The following DNAI3 variants were observed in gnomAD, a reference collection of about 807,000 sequenced individuals.
DNAI3 encodes the protein dynein axonemal intermediate chain 3, also known as WD repeat domain 63.
In DNAI3, 83 loss-of-function variants were observed where a neutral mutation model predicts 115.5. The observed-to-expected ratio is 0.72, with a 90% CI of 0.60 to 0.86. The LOEUF (loss-of-function observed/expected upper bound fraction) is 0.86, where lower values mean the gene tolerates loss of function less well. DNAI3 is among the 40% of genes least tolerant of loss of function. DNAI3 has a pLI of 0.00. For missense variants in DNAI3, 1,004 were observed against 1,075.8 expected (o/e 0.93, Z 0.93); for synonymous variants, 320 against 347.0 (o/e 0.92, Z 0.86).
Position 85,094,549 on chromosome 1 carries a change from T to A in DNAI3, c.1167T>A (p.His389Gln). Residue 389 changes from histidine (H) to glutamine (Q), a missense_variant, in exon 10 of 23, where the codon CAT becomes CAA. His to Gln is a conservative substitution (Grantham distance 24). This residue lies in a region of DNAI3 where 550 missense variants were observed against 568.1 expected (regional missense o/e 0.97). Coordinates refer to ENST00000294664, the MANE Select transcript of DNAI3 (RefSeq NM_145172.5). ...TCTGGAGCTTCTCTGATCCTATACA[T>A]CCTCAGGTAATTAGGGAGAGTTGCC... ...ILFWSFSDPI[H>Q]PQLMLESPDD... 6.2e-7 allele frequency: 1 copy of A among 1,614,018 alleles called. No individual in the cohort carries two copies.
At position 85,089,122 on chromosome 1, in the gene DNAI3, C is replaced by T. The variant is rs565884195; in HGVS notation, c.741-994C>T. On this transcript the variant is annotated intron_variant, in intron 7 of 22. Transcript: ENST00000294664. ...AAATACTACATAATATTTTGTTGATCATTTAAAATGTGCTAGGCACTGTTT... is the reference window on the plus strand; with the variant it reads ...AAATACTACATAATATTTTGTTGATTATTTAAAATGTGCTAGGCACTGTTT... 3.9e-5 allele frequency among the ~76,000 whole-genome samples: 6 copies of T among 152,182 alleles called. No individual in the cohort carries two copies. The South Asian group carries it at 1.2e-3, about 32-fold the overall frequency.
intron 8 of DNAI3, among the ~76,000 whole-genome samples, chr1:85,092,693 C>T (rs921549239): frequency 6.6e-6 from 1 of 151,860 alleles, no homozygotes; most frequent in African/African-American, 2.4e-5. Flanking sequence ...GTATTTTTAG[C>T]AGGATAATTT....
At chr1:85,082,842 C>T (rs1023403335) in intron 5 of DNAI3, among the ~76,000 whole-genome samples, 1 of 152,128 alleles carries the variant, frequency 6.6e-6, no homozygotes, top group Non-Finnish European at 1.5e-5. Context: ...AGCAGATTTG[C>T]CCTTCGTTGA....
chr1:85,073,653 G>T (rs947648392), intron 3 of DNAI3, among the ~76,000 whole-genome samples: 3 of 152,194 alleles, frequency 2.0e-5, no homozygotes, highest in African/African-American at 4.8e-5. Flanking sequence ...AATGAGGGGG[G>T]CAAGGAGGAA....
intron 8 of DNAI3, among the ~76,000 whole-genome samples, chr1:85,090,850 T>C (rs1654951606): frequency 6.6e-6 from 1 of 152,196 alleles, no homozygotes; most frequent in Non-Finnish European, 1.5e-5. Flanking sequence ...TTTAGAGAAG[T>C]GGATCCACTG....
chr1:85,100,315 T>C (rs1336621296), intron 13 of DNAI3, among the ~76,000 whole-genome samples: 1 of 152,116 alleles, frequency 6.6e-6, no homozygotes, highest in Non-Finnish European at 1.5e-5. Flanking sequence ...GGACGAAGGA[T>C]ATGAACAGAC....
intron 14 of DNAI3, among the ~76,000 whole-genome samples, chr1:85,105,550 AAAAG>A (rs1655464832): frequency 2.0e-5 from 3 of 150,786 alleles, no homozygotes; most frequent in Middle Eastern, 3.2e-3. Context: ...AAGAAAAAGA[AAAAG>A]AAAGAAAGAA....
rs771293540 is a variant in DNAI3, at chr1:85,124,260, C to A, written c.2112+9C>A. The A allele has an allele frequency of 5.1e-5, 82 of 1,613,856 alleles. No homozygotes were observed. The highest frequency in any genetic ancestry group is 6.8e-5 in the Non-Finnish European group (80 of 1,179,984). On this transcript the variant is annotated intron_variant, in intron 19 of 22. Transcript: ENST00000294664. ...GGAAAGAAGGTGTTATGGTAAGTTG[C>A]CTGCAAAATGGAAGCATGAGTGTGT...
chr1:85,106,698 G>T (rs529350223), intron 14 of DNAI3, among the ~76,000 whole-genome samples: 1 of 152,302 alleles, frequency 6.6e-6, no homozygotes, highest in South Asian at 2.1e-4. Flanking sequence ...ATAGATCAAT[G>T]AAATAGACCT....
intron 3 of DNAI3, 60 bp from the exon 4 acceptor site, chr1:85,081,174 C>A: frequency 1.5e-6 from 2 of 1,372,896 alleles, no homozygotes; most frequent in South Asian, 1.6e-5. Flanking sequence ...TGCATGTTTT[C>A]TAATGCTAAT....
intron 1 of DNAI3, among the ~76,000 whole-genome samples, chr1:85,063,310 G>A (rs931385342): frequency 6.6e-6 from 1 of 151,604 alleles, no homozygotes; most frequent in African/African-American, 2.4e-5. Context: ...AGAGATGCCT[G>A]CATGGTGTGG....
At chr1:85,115,485 T>G (rs1286727498) in intron 16 of DNAI3, among the ~76,000 whole-genome samples, 2 of 152,256 alleles carry the variant, frequency 1.3e-5, no homozygotes, top group East Asian at 3.8e-4. Flanking sequence ...AAATGTCAGA[T>G]GCTGTTATTA....
rs759631667 is a variant in DNAI3, at chr1:85,124,090, A to G, written c.1982-31A>G. 5.6e-6 allele frequency: 9 copies of G among 1,613,444 alleles called. No individual in the cohort carries two copies. In the South Asian group the frequency reaches 9.9e-5, roughly 18 times the overall value. ...TGCAGGAATGCAAACAGTGTTATTA[A>G]AGATGAGATGGTCTTCTTTCACTCC... On this transcript the variant is annotated intron_variant, in intron 18 of 22. Transcript: ENST00000294664.
At chr1:85,066,664 G>T (rs1408407244) in intron 1 of DNAI3, among the ~76,000 whole-genome samples, 1 of 151,950 alleles carries the variant, frequency 6.6e-6, no homozygotes, top group Non-Finnish European at 1.5e-5. Flanking sequence ...ATTGATTTCA[G>T]CTGGGAACAG....
chr1:85,131,135 G>A (rs888059590), intron 22 of DNAI3, among the ~76,000 whole-genome samples: 1 of 152,034 alleles, frequency 6.6e-6, no homozygotes, highest in African/African-American at 2.4e-5. Flanking sequence ...CTCACATGAG[G>A]CCTTCAGTCT....
intron 8 of DNAI3, among the ~76,000 whole-genome samples, chr1:85,092,329 G>A (rs1229110700): frequency 1.3e-5 from 2 of 152,090 alleles, no homozygotes; most frequent in Non-Finnish European, 2.9e-5. Flanking sequence ...ATCAAACGGT[G>A]CCCTTTTTTA....
Position 85,109,013 on chromosome 1 carries a change from A to G in DNAI3, c.1698+836A>G, listed in dbSNP as rs548536547. On this transcript the variant is annotated intron_variant, in intron 15 of 22. Transcript: ENST00000294664. ...CTGCCTATCAAAATTTTGCCTATCAATAGAAGGAACTGGTATTGTTCCTTC... is the reference window on the plus strand; with the variant it reads ...CTGCCTATCAAAATTTTGCCTATCAGTAGAAGGAACTGGTATTGTTCCTTC... Among the ~76,000 whole-genome samples the G allele has an allele frequency of 2.6e-5, 4 of 152,332 alleles. No individual in the cohort carries two copies. In the South Asian group the frequency reaches 6.2e-4, roughly 24 times the overall value.
At chr1:85,095,536 C>T (rs569941929) in intron 10 of DNAI3, among the ~76,000 whole-genome samples, 1 of 152,178 alleles carries the variant, frequency 6.6e-6, no homozygotes, top group South Asian at 2.1e-4. Context: ...GAGTGCCTGG[C>T]TCAGTATTCA....
chr1:85,131,850 T>G (rs539420028), intron 22 of DNAI3, among the ~76,000 whole-genome samples: 1 of 152,350 alleles, frequency 6.6e-6, no homozygotes, highest in East Asian at 1.9e-4. Context: ...ATAATTTGCA[T>G]GTGAAATACT....
Sources: allele counts gnomAD v4.1 joint callset (sites outside exome capture counted in the v4.1 genomes callset), GRCh38; gene constraint gnomAD v4.1.1; regional missense constraint gnomAD v4.1.1; transcripts MANE v1.5; gene names NCBI Gene and HGNC (gene_info 2026-07-23, HGNC 2026-07-21).